GALNTL6: variants seen among roughly 807,000 people sequenced by gnomAD.
GALNTL6 encodes polypeptide N-acetylgalactosaminyltransferase like 6, also known as polypeptide N-acetylgalactosaminyltransferase-like 6.
A neutral mutation model predicts 73.7 loss-of-function variants in GALNTL6; 46 were observed. The ratio of observed to expected loss-of-function variants is 0.62; its 90% CI spans 0.49 to 0.80. The LOEUF is 0.80. Among genes scored for constraint, GALNTL6 ranks in the 30% least tolerant of loss-of-function variants. The probability of loss-of-function intolerance (pLI) is 0.00; values close to 1 mark genes in which losing one functional copy is unlikely to be tolerated. For synonymous variants in GALNTL6, 259 were observed against 263.7 expected (o/e 0.98, Z 0.17); for missense variants, 604 against 755.0 (o/e 0.80, Z 2.34).
chr4:172,167,707 C>A (rs1734671694), intron 2 of GALNTL6, among the ~76,000 whole-genome samples: 1 of 151,718 alleles, frequency 6.6e-6, no homozygotes, highest in Non-Finnish European at 1.5e-5. Context: ...GCCTGTAATC[C>A]CAGCACTTTG....
At chr4:172,790,674 C>T (rs1283441562) in intron 5 of GALNTL6, among the ~76,000 whole-genome samples, 6 of 151,996 alleles carry the variant, frequency 3.9e-5, no homozygotes, top group Non-Finnish European at 7.4e-5. Context: ...GGCGGGATCA[C>T]GAGGTCAGGA....
At chr4:172,806,660 A>AT (rs2110977374) in intron 5 of GALNTL6, among the ~76,000 whole-genome samples, 1 of 152,292 alleles carries the variant, frequency 6.6e-6, no homozygotes, top group African/African-American at 2.4e-5. Flanking sequence ...AAAAATGTAA[A>AT]TGCATCTTGA....
chr4:171,921,872 ACT>A (rs1181044012), intron 2 of GALNTL6, among the ~76,000 whole-genome samples: 1 of 152,006 alleles, frequency 6.6e-6, no homozygotes, highest in East Asian at 1.9e-4. Flanking sequence ...AAGTTTCCAA[ACT>A]CTATATTTGC....
chr4:172,164,097 A>G (rs924346811), intron 2 of GALNTL6, among the ~76,000 whole-genome samples: 1 of 152,064 alleles, frequency 6.6e-6, no homozygotes, highest in Admixed American at 6.6e-5. Flanking sequence ...TATCTGGAGC[A>G]TAAAACAAGA....
chr4:172,214,110 T>C (rs1431461094), intron 2 of GALNTL6, among the ~76,000 whole-genome samples: 1 of 152,186 alleles, frequency 6.6e-6, no homozygotes, highest in Non-Finnish European at 1.5e-5. Context: ...GTGGACTATG[T>C]TTGTGCATGT....
intron 5 of GALNTL6, among the ~76,000 whole-genome samples, chr4:172,636,269 A>T (rs925017952): frequency 6.6e-6 from 1 of 152,206 alleles, no homozygotes; most frequent in Non-Finnish European, 1.5e-5. Flanking sequence ...TATCTTATTG[A>T]TAACTGCATA....
intron 8 of GALNTL6, among the ~76,000 whole-genome samples, chr4:172,906,989 T>C (rs1413141413): frequency 6.6e-6 from 1 of 152,218 alleles, no homozygotes; most frequent in Non-Finnish European, 1.5e-5. Context: ...TCCATCATAT[T>C]CACAGTCCTT....
At position 172,154,047 on chromosome 4, in the gene GALNTL6, CT is replaced by C. The variant is rs35826525; in HGVS notation, c.139-75598del. Among the ~76,000 whole-genome samples the C allele has an allele frequency of 5.0e-3, 726 of 143,898 alleles. 8 individuals carry two copies. The highest frequency in any genetic ancestry group is 0.017 in the African/African-American group (658 of 38,600). 94.4% of individuals were successfully genotyped at this position (143,898 alleles called of 152,430 possible). ...TGTTGTGGTTTTTGAGGTTTTTCTT[CT>C]TTTTTTTTTTCATTTTCAGAGTACT... On this transcript the variant is annotated intron_variant, in intron 2 of 12. Coordinates refer to ENST00000506823, the MANE Select transcript of GALNTL6 (RefSeq NM_001034845.3).
intron 2 of GALNTL6, among the ~76,000 whole-genome samples, chr4:172,126,466 A>G (rs545990016): frequency 1.3e-5 from 2 of 152,284 alleles, no homozygotes; most frequent in African/African-American, 4.8e-5. Context: ...CCGGCGTTCA[A>G]TAGAGAAGTG....
chr4:171,920,717 CACAA>C (rs1236951551), intron 2 of GALNTL6, among the ~76,000 whole-genome samples: 2 of 152,044 alleles, frequency 1.3e-5, no homozygotes, highest in Non-Finnish European at 2.9e-5. Flanking sequence ...AATACATACA[CACAA>C]ACACAGTCAT....
At chr4:172,664,198 T>G (rs1007824467) in intron 5 of GALNTL6, among the ~76,000 whole-genome samples, 5 of 152,164 alleles carry the variant, frequency 3.3e-5, no homozygotes, top group Non-Finnish European at 7.4e-5. Flanking sequence ...TCTTGTCCAG[T>G]TTTCCAAAAT....
intron 2 of GALNTL6, among the ~76,000 whole-genome samples, chr4:171,896,603 T>G (rs1159488748): frequency 2.0e-5 from 3 of 152,210 alleles, no homozygotes; most frequent in Non-Finnish European, 4.4e-5. Flanking sequence ...ACGTTCTCAC[T>G]GTGCCTTCCT....
chr4:172,911,182 G>A (rs1312981438), intron 8 of GALNTL6, among the ~76,000 whole-genome samples: 1 of 152,142 alleles, frequency 6.6e-6, no homozygotes, highest in Non-Finnish European at 1.5e-5. Flanking sequence ...TTGACTCCCT[G>A]GAAGGGTAAA....
chr4:172,404,397 G>A (rs1056877915), intron 5 of GALNTL6, among the ~76,000 whole-genome samples: 2 of 151,992 alleles, frequency 1.3e-5, no homozygotes, highest in African/African-American at 4.8e-5. Context: ...CAAACTGAAT[G>A]AAGAGCTTAT....
chr4:171,868,459 C>A (rs1578925544), intron 2 of GALNTL6, among the ~76,000 whole-genome samples: 1 of 152,198 alleles, frequency 6.6e-6, no homozygotes, highest in Non-Finnish European at 1.5e-5. Flanking sequence ...CTCTTCTCTT[C>A]TCCTGACCCT....
chr4:172,065,729 A>C (rs1731338903), intron 2 of GALNTL6, among the ~76,000 whole-genome samples: 1 of 152,178 alleles, frequency 6.6e-6, no homozygotes, highest in Non-Finnish European at 1.5e-5. Flanking sequence ...TTTATAAAGA[A>C]AAACGGTTTA....
intron 5 of GALNTL6, among the ~76,000 whole-genome samples, chr4:172,434,629 C>G (rs1016884766): frequency 5.3e-5 from 8 of 152,166 alleles, no homozygotes; most frequent in Admixed American, 2.0e-4. Flanking sequence ...AACTTGCCTT[C>G]CTGTTTCAGC....
At position 171,821,214 on chromosome 4, in the gene GALNTL6, A is replaced by AT. The variant is rs552092925; in HGVS notation, c.138+6504dup. 4.2e-3 allele frequency among the ~76,000 whole-genome samples: 636 copies of AT among 151,810 alleles called. 1 individual carries two copies. Among genetic ancestry groups the AT allele is most frequent in the African/African-American group, 0.014 (600 of 41,380 alleles). ...TGATACCTGGATAACTTTTTAAAAA[A>AT]TTTTTTTTGTAGCGACAAGGTCTCA... On this transcript the variant is annotated intron_variant, in intron 2 of 12. Coordinates refer to ENST00000506823, the MANE Select transcript of GALNTL6 (RefSeq NM_001034845.3).
At chr4:171,944,687 G>A (rs1204872719) in intron 2 of GALNTL6, among the ~76,000 whole-genome samples, 2 of 151,882 alleles carry the variant, frequency 1.3e-5, no homozygotes, top group Non-Finnish European at 2.9e-5. Flanking sequence ...TCCTCTGGGT[G>A]TGAGAAGGAA....
Sources: gnomAD v4.1 joint callset for allele counts (sites outside exome capture counted in the v4.1 genomes callset) on GRCh38, gnomAD v4.1.1 for gene constraint, MANE v1.5 for transcripts, NCBI Gene and HGNC (gene_info 2026-07-23, HGNC 2026-07-21) for gene names.